Variants in COQ10A observed in about 807,000 individuals in gnomAD.
The protein encoded by COQ10A is coenzyme Q10A.
Under a neutral mutation model 26.1 loss-of-function variants are expected in COQ10A, and 25 were observed. That is an observed-to-expected ratio of 0.96 (90% confidence interval 0.70 to 1.34). The LOEUF (loss-of-function observed/expected upper bound fraction) is 1.34, where lower values mean the gene tolerates loss of function less well. Among genes scored for constraint, COQ10A ranks in the 40% most tolerant of loss-of-function variants. COQ10A has a pLI of 0.00. For missense variants in COQ10A, 312 were observed against 335.4 expected (o/e 0.93, Z 0.54); for synonymous variants, 132 against 124.0 (o/e 1.06, Z -0.43).
intron 3 of COQ10A, 89 bp from the exon 4 acceptor site, chr12:56,269,371 T>A (rs1872440779): frequency 6.8e-7 from 1 of 1,467,276 alleles, no homozygotes; most frequent in Non-Finnish European, 9.5e-7. Context: ...TTCCCTCATA[T>A]CAGAAAAGAA....
chr12:56,267,680 G>A (rs753240944), intron 1 of COQ10A, 114 bp from the exon 2 acceptor site: 2 of 1,441,718 alleles, frequency 1.4e-6, no homozygotes, highest in African/African-American at 1.4e-5. Flanking sequence ...GGTGCTGGGG[G>A]GAAAGCTTGT....
At position 56,270,359 on chromosome 12, in the gene COQ10A, C is replaced by T. The variant is rs190526201; in HGVS notation, c.*42C>T. 2.6e-4 allele frequency: 406 copies of T among 1,570,328 alleles called. 1 individual carries two copies. The highest frequency in any genetic ancestry group is 8.5e-4 in the Middle Eastern group (5 of 5,856). ...CTGACCTCCCTTCTACCCCACTTCC[C>T]TACACAATTCTCTTATTTATTTGGT... On this transcript the variant is annotated 3_prime_UTR_variant, in exon 5 of 5. Transcript: ENST00000308197.
intron 3 of COQ10A, 59 bp from the exon 4 acceptor site, chr12:56,269,401 C>T: frequency 6.7e-7 from 1 of 1,496,022 alleles, no homozygotes; most frequent in South Asian, 1.1e-5. Flanking sequence ...CTTTCAATTC[C>T]TTTATATTGT....
intron 2 of COQ10A, chr12:56,268,384 G>A (rs1872412543): frequency 5.7e-6 from 1 of 176,876 alleles, no homozygotes; most frequent in Admixed American, 5.6e-5. Context: ...GGGAGGCTGA[G>A]GCAGGATAAT....
chr12:56,268,941 G>A, intron 2 of COQ10A, 118 bp from the exon 3 acceptor site: 1 of 734,862 alleles, frequency 1.4e-6, no homozygotes, highest in African/African-American at 1.8e-5. Flanking sequence ...GGCTTATTTG[G>A]GATCTGTAGT....
At position 56,267,267 on chromosome 12, in the gene COQ10A, A is replaced by C; in HGVS notation, c.134+15A>C. ...CGACCAATGAGGTGAGAGGGAGGTG[A>C]CCGCGGCTGAGGGCAGGGGGTCGCT... On this transcript the variant is annotated intron_variant, in intron 1 of 4. Coordinates refer to ENST00000308197, the MANE Select transcript of COQ10A (RefSeq NM_144576.4). The C allele has an allele frequency of 6.4e-7, 1 of 1,560,248 alleles. No individual in the cohort carries two copies. The highest frequency in any genetic ancestry group is 8.7e-7 in the Non-Finnish European group (1 of 1,150,836).
At position 56,270,350 on chromosome 12, in the gene COQ10A, C is replaced by T. The variant is rs374167838; in HGVS notation, c.*33C>T. ...GATTGCTCCCTGACCTCCCTTCTAC[C>T]CCACTTCCCTACACAATTCTCTTAT... On this transcript the variant is annotated 3_prime_UTR_variant, in exon 5 of 5. Coordinates refer to ENST00000308197, the MANE Select transcript of COQ10A (RefSeq NM_144576.4). The T allele has an allele frequency of 6.3e-7, 1 of 1,599,808 alleles. No individual in the cohort carries two copies. Among genetic ancestry groups the T allele is most frequent in the Non-Finnish European group, 8.6e-7 (1 of 1,169,044 alleles).
At chr12:56,269,793 G>C in intron 4 of COQ10A, 1 of 531,706 alleles carries the variant, frequency 1.9e-6, no homozygotes, top group Non-Finnish European at 3.4e-6. Flanking sequence ...AAGCCCGACT[G>C]ATTTTTTATT....
In COQ10A at chr12:56,267,253, G is replaced by GTTTC; in HGVS notation, c.134+2_134+3insTTCT. 1 of 1,551,940 alleles carries GTTTC rather than the reference G, an allele frequency of 6.4e-7. No individual in the cohort carries two copies. Among genetic ancestry groups the GTTTC allele is most frequent in the Non-Finnish European group, 8.7e-7 (1 of 1,148,248 alleles). ...CTCTGCCACCGCCGCGACCAATGAG[G>GTTTC]TGAGAGGGAGGTGACCGCGGCTGAG... On this transcript the variant is annotated splice_donor_variant, in intron 1 of 4. Coordinates refer to ENST00000308197, the MANE Select transcript of COQ10A (RefSeq NM_144576.4). LOFTEE classifies it high-confidence loss of function.
At chr12:56,267,404 G>T in intron 1 of COQ10A, 152 bp downstream of exon 1, 1 of 1,613,994 alleles carries the variant, frequency 6.2e-7, no homozygotes, top group Non-Finnish European at 8.5e-7. Flanking sequence ...TAATGCTTTT[G>T]CAAGTTGTAC....
In COQ10A at chr12:56,270,691, G is replaced by T. The variant is rs1465156391; in HGVS notation, c.*374G>T. On this transcript the variant is annotated 3_prime_UTR_variant, in exon 5 of 5. Transcript: ENST00000308197. ...ATTGAATAAATTGAGCTTTTCTTCT[G>T]GCACAGAGGTACTGAGTGGTAAGTA... 1 of 161,866 alleles carries T rather than the reference G, an allele frequency of 6.2e-6. No homozygotes were observed. Among genetic ancestry groups the T allele is most frequent in the African/African-American group, 2.4e-5 (1 of 41,778 alleles). The allele number at this position is 161,866 out of a possible 1,614,324, so 10.0% of individuals were successfully genotyped here. A position where few individuals can be genotyped will look rare whatever the true frequency, so the allele number is the denominator to read the frequency against.
At chr12:56,270,118 G>A in intron 4 of COQ10A, 32 bp from the exon 5 acceptor site, 2 of 1,602,736 alleles carry the variant, frequency 1.2e-6, no homozygotes, top group Non-Finnish European at 1.7e-6. Context: ...ACATGGTCTG[G>A]AAGTTTCTGA....
At chr12:56,269,967 C>T in intron 4 of COQ10A, 183 bp from the exon 5 acceptor site, 1 of 639,872 alleles carries the variant, frequency 1.6e-6, no homozygotes, top group Non-Finnish European at 2.8e-6. Context: ...TTTCCCAAGT[C>T]AGTTAGTCTG....
chr12:56,267,638 C>G (rs925951315), intron 1 of COQ10A, 156 bp from the exon 2 acceptor site: 46 of 1,237,094 alleles, frequency 3.7e-5, no homozygotes, highest in Non-Finnish European at 5.2e-5. Flanking sequence ...CTCGTGACTC[C>G]CTGGCCAGAG....
rs772952697 is a variant in COQ10A, at chr12:56,269,454, T to C, written c.475-6T>C. On this transcript the variant is annotated splice_polypyrimidine_tract_variant and splice_region_variant and intron_variant, in intron 3 of 4. Coordinates refer to ENST00000308197, the MANE Select transcript of COQ10A (RefSeq NM_144576.4). ...GTTATTTAACTACCTGATTACCCTA[T>C]TCTAGGCTGTTTGTACTGATGGCAA... is the stretch of plus-strand genomic sequence containing the variant. The C allele has an allele frequency of 6.5e-5, 105 of 1,610,270 alleles. No individual in the cohort carries two copies. Among genetic ancestry groups the C allele is most frequent in the Admixed American group, 1.0e-4 (6 of 60,006 alleles).
intron 1 of COQ10A, 182 bp downstream of exon 1, chr12:56,267,434 G>GT (rs1394312434): frequency 6.2e-7 from 1 of 1,613,888 alleles, no homozygotes; most frequent in African/African-American, 1.3e-5. Context: ...AGTTCTCGGG[G>GT]TGAGTGTCCA....
chr12:56,267,387 C>A (rs1309927406), intron 1 of COQ10A, 135 bp downstream of exon 1: 1 of 1,613,782 alleles, frequency 6.2e-7, no homozygotes, highest in Admixed American at 1.7e-5. Flanking sequence ...TAACGTAGAG[C>A]TTTGGATAAT....
chr12:56,269,304 T>C, intron 3 of COQ10A, 53 bp downstream of exon 3: 1 of 1,578,690 alleles, frequency 6.3e-7, no homozygotes, highest in Non-Finnish European at 8.7e-7. Context: ...AGCAGTTTCA[T>C]ATGAAAGTGC....
rs1387226985 is a variant in COQ10A, at chr12:56,269,547, A to C, written c.562A>C (p.Thr188Pro). 1 of 1,613,310 alleles carries C rather than the reference A, an allele frequency of 6.2e-7. No homozygotes were observed. Among genetic ancestry groups the C allele is most frequent in the African/African-American group, 1.3e-5 (1 of 74,902 alleles). ...PGIPAYPRTC[T>P]VDFSISFEFR... ...TATTCCTGCCTATCCTCGAACCTGC[A>C]CTGTGGACTTTTCGGTGAGTCAGGA... The change falls in exon 4 of 5, where the codon ACT becomes CCT. Residue 188 changes from threonine (T) to proline (P), a missense_variant. Physicochemically the swap from Thr to Pro is conservative, Grantham distance 38 (BLOSUM62 -1). Coordinates refer to ENST00000308197, the MANE Select transcript of COQ10A (RefSeq NM_144576.4).
Sources: allele counts gnomAD v4.1 joint callset, GRCh38; gene constraint gnomAD v4.1.1; transcripts MANE v1.5; gene names NCBI Gene and HGNC (gene_info 2026-07-23, HGNC 2026-07-21).